The following ZFP62 variants were observed in gnomAD, a reference collection of about 807,000 sequenced individuals.
The protein encoded by ZFP62 is zinc finger protein 62 homolog.
ZFP62 carries 44 observed loss-of-function variants against 56.4 expected under a neutral mutation model. The observed-to-expected ratio is 0.78, with a 90% CI of 0.61 to 1.00. The LOEUF (loss-of-function observed/expected upper bound fraction) is 1.00. Among genes scored for constraint, ZFP62 ranks in the 50% least tolerant of loss-of-function variants. ZFP62 has a pLI of 0.00. For missense variants in ZFP62, 1,030 were observed against 1,085.7 expected (o/e 0.95, Z 0.72); for synonymous variants, 421 against 388.9 (o/e 1.08, Z -0.97).
chr5:180,833,041 T>TTG, the ZFP62 span, among the ~76,000 whole-genome samples: 2 of 152,190 alleles, frequency 1.3e-5, no homozygotes, highest in Admixed American at 6.5e-5. Flanking sequence ...AAGGCTGCAC[T>TTG]TTCCATGTTC....
the ZFP62 span, among the ~76,000 whole-genome samples, chr5:180,828,153 T>C: frequency 6.6e-6 from 1 of 152,210 alleles, no homozygotes; most frequent in African/African-American, 2.4e-5. Context: ...ACTTTGTCTC[T>C]GTGTCTTTTT....
At chr5:180,842,151 C>T in the ZFP62 span, among the ~76,000 whole-genome samples, 2 of 152,086 alleles carry the variant, frequency 1.3e-5, no homozygotes, top group Non-Finnish European at 2.9e-5. Flanking sequence ...TAAAGAGAAA[C>T]TTAGTGAACT....
At chr5:180,846,579 G>A (rs1039661503), downstream of ZFP62, among the ~76,000 whole-genome samples, 1 of 151,042 alleles carries the variant, frequency 6.6e-6, no homozygotes, top group East Asian at 2.0e-4. Flanking sequence ...GGGCACTTCC[G>A]TAGCTGCCTT....
intron 1 of ZFP62, among the ~76,000 whole-genome samples, chr5:180,854,250 G>C (rs2619763): frequency 0.69 from 104,639 of 152,092 alleles, 37,926 homozygotes; most frequent in East Asian, 0.96. Flanking sequence ...AAAGGGTAGG[G>C]ACACGCTGCA....
the ZFP62 span, among the ~76,000 whole-genome samples, chr5:180,836,510 G>GC: frequency 6.6e-6 from 1 of 152,140 alleles, no homozygotes; most frequent in African/African-American, 2.4e-5. Flanking sequence ...TGCATTCAGG[G>GC]CCCCTCAAAT....
In ZFP62 at chr5:180,852,485, C is replaced by G. The variant is rs556081517; in HGVS notation, c.2-992G>C. ...AGGAGAATCACTTGAACCTGGGAGGCAGAGGTTGCAGTGAGCCGAGATCGT... is the reference window on the plus strand; with the variant it reads ...AGGAGAATCACTTGAACCTGGGAGGGAGAGGTTGCAGTGAGCCGAGATCGT... On this transcript the variant is annotated intron_variant, in intron 1 of 1. Coordinates refer to ENST00000502412, the MANE Select transcript of ZFP62 (RefSeq NM_001172638.2). Among the ~76,000 whole-genome samples the G allele has an allele frequency of 2.0e-5, 3 of 147,806 alleles. No homozygotes were observed. The East Asian group carries it at 6.0e-4, about 29-fold the overall frequency.
At chr5:180,833,482 A>G in the ZFP62 span, among the ~76,000 whole-genome samples, 1 of 143,082 alleles carries the variant, frequency 7.0e-6, no homozygotes, top group Admixed American at 6.7e-5. Context: ...CTGTCTCAAA[A>G]AAAAAAAAAA....
At position 180,848,896 on chromosome 5, in the gene ZFP62, A is replaced by G. The variant is rs150247342; in HGVS notation, c.2599T>C (p.Ser867Pro). The change falls in exon 2 of 2, where the codon TCT becomes CCT. Residue 867 changes from serine (S) to proline (P), a missense_variant. Transcript: ENST00000502412. ...CTTCCCACATATATCACATTTAAAG[A>G]TTCCTCTCCAGTATGGGTTCTTTTA... ...KHKRTHTGEE[S>P]LNVIYVGSYS... The G allele has an allele frequency of 3.9e-4, 602 of 1,551,642 alleles. 4 individuals are homozygous for G. The Middle Eastern group carries it at 6.8e-3, about 18-fold the overall frequency.
chr5:180,858,902 C>G (rs1774152539), intron 1 of ZFP62, among the ~76,000 whole-genome samples: 1 of 152,198 alleles, frequency 6.6e-6, no homozygotes, highest in Admixed American at 6.5e-5. Flanking sequence ...TTACATCAGC[C>G]AAAAGCGTCA....
the ZFP62 span, among the ~76,000 whole-genome samples, chr5:180,827,718 G>A: frequency 6.6e-6 from 1 of 152,206 alleles, no homozygotes. Context: ...TAGTATAAGA[G>A]GAAGGCATGC....
At chr5:180,856,437 A>T (rs2619759) in intron 1 of ZFP62, among the ~76,000 whole-genome samples, 101 of 152,148 alleles carry the variant, frequency 6.6e-4, no homozygotes, top group Admixed American at 1.1e-3. Context: ...ACACATAAGG[A>T]TAATTAAGTT....
the ZFP62 span, among the ~76,000 whole-genome samples, chr5:180,833,609 C>T: frequency 4.6e-5 from 7 of 152,078 alleles, no homozygotes; most frequent in South Asian, 1.0e-3. Context: ...GCTGGCACCA[C>T]GATCTCAGAC....
In ZFP62 at chr5:180,848,819, A is replaced by G. The variant is rs1773516405; in HGVS notation, c.2676T>C (p.Asp892=). The G allele has an allele frequency of 1.9e-6, 3 of 1,541,918 alleles. No homozygotes were observed. The African/African-American group carries it at 4.1e-5, about 21-fold the overall frequency. Residue 892 remains aspartate (D), a synonymous_variant, in exon 2 of 2, where the codon GAT becomes GAC. Transcript: ENST00000502412. ...KRTYEGGNAL[D]GGRMRMPL is the part of the protein sequence containing the mutation. Reference sequence around the variant, plus strand: ...ACAGAGGCATCCTCATCCTGCCCCCATCCAGGGCATTCCCTCCCTCATAGG... The same window carrying G: ...ACAGAGGCATCCTCATCCTGCCCCCGTCCAGGGCATTCCCTCCCTCATAGG...
intron 1 of ZFP62, among the ~76,000 whole-genome samples, chr5:180,858,855 C>T (rs1414064875): frequency 6.6e-6 from 1 of 152,164 alleles, no homozygotes; most frequent in Non-Finnish European, 1.5e-5. Flanking sequence ...CCCTTTCTAA[C>T]CAGTTTTCAA....
chr5:180,854,294 G>A (rs1561908334), intron 1 of ZFP62, among the ~76,000 whole-genome samples: 3 of 152,308 alleles, frequency 2.0e-5, no homozygotes, highest in East Asian at 1.9e-4. Context: ...TTCAAGCACC[G>A]TAATAACTAA....
the ZFP62 span, chr5:180,830,436 A>AG: frequency 2.0e-5 from 3 of 152,390 alleles, no homozygotes; most frequent in African/African-American, 7.2e-5. Context: ...GGGGCACAAG[A>AG]GGGGAGTAGG....
At position 180,849,462 on chromosome 5, in the gene ZFP62, C is replaced by T; in HGVS notation, c.2033G>A (p.Cys678Tyr). The change falls in exon 2 of 2, where the codon TGT becomes TAT. Residue 678 changes from cysteine to tyrosine, a missense_variant. Transcript: ENST00000502412. ...TGAGTGTGAGATGTAGGCTTTTCCA[C>T]ACACATCACATTCATAGGGCCTCTC... ...TGERPYECDV[C>Y]GKAYISHSSL... The T allele has an allele frequency of 6.4e-7, 1 of 1,552,110 alleles. No homozygotes were observed. The highest frequency in any genetic ancestry group is 8.7e-7 in the Non-Finnish European group (1 of 1,147,128).
In ZFP62 at chr5:180,858,292, GA is replaced by G. The variant is rs1324221489; in HGVS notation, c.1+2926del. ...AAAAAAAAAAAAGAAAAAAAGAAAA[GA>G]AAAAAAAGAAAAATATTTTAAAAAG... On this transcript the variant is annotated intron_variant, in intron 1 of 1. Coordinates refer to ENST00000502412, the MANE Select transcript of ZFP62 (RefSeq NM_001172638.2). 4.0e-4 allele frequency among the ~76,000 whole-genome samples: 48 copies of G among 121,214 alleles called. No homozygotes were observed. The East Asian group carries it at 9.6e-3, about 24-fold the overall frequency. 79.5% of individuals were successfully genotyped at this position (121,214 alleles called of 152,430 possible).
At chr5:180,857,302 G>A (rs1433593896) in intron 1 of ZFP62, among the ~76,000 whole-genome samples, 1 of 143,336 alleles carries the variant, frequency 7.0e-6, no homozygotes, top group Admixed American at 7.4e-5. Context: ...GGCTTTGTGG[G>A]CCACACAGAA....
Sources: gnomAD v4.1 joint callset for allele counts (sites outside exome capture counted in the v4.1 genomes callset) on GRCh38, gnomAD v4.1.1 for gene constraint, MANE v1.5 for transcripts, NCBI Gene and HGNC (gene_info 2026-07-23, HGNC 2026-07-21) for gene names.